Variants in CACNA2D3 observed in about 807,000 individuals in gnomAD.
The protein encoded by CACNA2D3 is calcium voltage-gated channel auxiliary subunit alpha2delta 3.
Under a neutral mutation model 160.6 loss-of-function variants are expected in CACNA2D3, and 60 were observed. That is an observed-to-expected ratio of 0.37 (90% CI 0.30 to 0.46). The LOEUF is 0.46. Ranked by LOEUF, CACNA2D3 falls within the 20% of genes least tolerant of loss-of-function variation. The probability of loss-of-function intolerance (pLI) is 1.00; values close to 1 mark genes in which losing one functional copy is unlikely to be tolerated. For synonymous variants in CACNA2D3, 558 were observed against 492.9 expected, an observed-to-expected ratio of 1.13 and a Z score of -1.75; for missense variants, 1,205 against 1,365.0, an observed-to-expected ratio of 0.88 and a Z score of 1.85.
intron 3 of CACNA2D3, 69 bp from the exon 4 acceptor site, chr3:54,386,645 TG>T: frequency 7.1e-7 from 1 of 1,399,528 alleles, no homozygotes. Context: ...TTTTGGTCAA[TG>T]GAGAAATGGG....
Position 54,918,547 on chromosome 3 carries a change from G to A in CACNA2D3, c.2449+18679G>A, listed in dbSNP as rs911270789. 9 of 1,613,902 alleles carry A rather than the reference G, an allele frequency of 5.6e-6. No individual in the cohort carries two copies. In the African/African-American group the frequency reaches 1.2e-4, roughly 22 times the overall value. ...CAAGGGTCCCCCATGGTACTGGGCT[G>A]TGATTGCCGCATAGGTGCAGCCATA... On this transcript the variant is annotated intron_variant, in intron 27 of 37. Transcript: ENST00000474759.
chr3:54,520,046 G>A (rs1701620871), intron 5 of CACNA2D3, among the ~76,000 whole-genome samples: 1 of 152,220 alleles, frequency 6.6e-6, no homozygotes, highest in Non-Finnish European at 1.5e-5. Context: ...GCAATATTGT[G>A]GAAACTAAAG....
chr3:55,054,684 T>A (rs1306176135), intron 35 of CACNA2D3, among the ~76,000 whole-genome samples: 1 of 151,832 alleles, frequency 6.6e-6, no homozygotes, highest in Admixed American at 6.6e-5. Flanking sequence ...AGATTGATTC[T>A]TCTGTTGACT....
intron 2 of CACNA2D3, among the ~76,000 whole-genome samples, chr3:54,191,806 G>A (rs553332128): frequency 6.6e-6 from 1 of 152,278 alleles, no homozygotes; most frequent in African/African-American, 2.4e-5. Context: ...CCTGCGCAGG[G>A]CTGCCGTGAA....
chr3:54,627,275 A>G (rs546469513), intron 9 of CACNA2D3, among the ~76,000 whole-genome samples: 17 of 152,298 alleles, frequency 1.1e-4, no homozygotes, highest in Middle Eastern at 3.4e-3. Flanking sequence ...TGGAGTCACA[A>G]AGGAAGCATT....
intron 11 of CACNA2D3, among the ~76,000 whole-genome samples, chr3:54,734,204 T>C (rs1376861382): frequency 6.6e-6 from 1 of 152,190 alleles, no homozygotes; most frequent in East Asian, 1.9e-4. Context: ...GACTTTGCCA[T>C]AGGCTGATAC....
At chr3:54,558,767 G>A (rs1186181819) in intron 5 of CACNA2D3, among the ~76,000 whole-genome samples, 2 of 152,160 alleles carry the variant, frequency 1.3e-5, no homozygotes, top group Non-Finnish European at 2.9e-5. Flanking sequence ...TTTTATGGCC[G>A]TGTATTATTC....
chr3:54,466,877 G>T (rs898857197), intron 4 of CACNA2D3, among the ~76,000 whole-genome samples: 2 of 152,160 alleles, frequency 1.3e-5, no homozygotes, highest in African/African-American at 4.8e-5. Context: ...TCATCATTTT[G>T]TGGTGTTATC....
At chr3:54,278,245 A>G (rs990860081) in intron 2 of CACNA2D3, among the ~76,000 whole-genome samples, 4 of 152,272 alleles carry the variant, frequency 2.6e-5, no homozygotes, top group Non-Finnish European at 5.9e-5. Flanking sequence ...AAAAAAGCTC[A>G]TCATCACTGG....
chr3:54,226,698 A>G (rs1009315424), intron 2 of CACNA2D3, among the ~76,000 whole-genome samples: 2 of 152,214 alleles, frequency 1.3e-5, no homozygotes, highest in East Asian at 1.9e-4. Flanking sequence ...TGCTAGTCCT[A>G]TAACACTGCC....
chr3:54,565,729 A>C (rs1702399634), intron 6 of CACNA2D3, among the ~76,000 whole-genome samples: 1 of 152,106 alleles, frequency 6.6e-6, no homozygotes, highest in Non-Finnish European at 1.5e-5. Flanking sequence ...GTAGGAAGAG[A>C]CTTCTGTAGT....
rs189182847 is a variant in CACNA2D3, at chr3:54,174,682, G to A, written c.204+51088G>A. Among the ~76,000 whole-genome samples, 983 of 152,228 alleles carry A rather than the reference G, an allele frequency of 6.5e-3. 11 individuals carry two copies. Among genetic ancestry groups the A allele is most frequent in the African/African-American group, 0.022 (906 of 41,530 alleles). ...TGGGACTACAGGCGCCCGCCACCAC[G>A]CCTGGCTAATTTTTAGTATTTTTTG... On this transcript the variant is annotated intron_variant, in intron 2 of 37. Transcript: ENST00000474759.
At chr3:54,805,003 T>C (rs150938426) in intron 13 of CACNA2D3, among the ~76,000 whole-genome samples, 2,147 of 152,108 alleles carry the variant, frequency 0.014, 59 homozygotes, top group African/African-American at 0.047. Context: ...TTGAAACCAA[T>C]GAGAACAAAG....
chr3:54,746,037 G>A (rs1701747780), intron 11 of CACNA2D3, among the ~76,000 whole-genome samples: 1 of 152,072 alleles, frequency 6.6e-6, no homozygotes, highest in Admixed American at 6.6e-5. Context: ...TCTTCCTTCT[G>A]GATAAGGATG....
At chr3:54,156,260 C>G (rs1364447087) in intron 2 of CACNA2D3, among the ~76,000 whole-genome samples, 1 of 152,154 alleles carries the variant, frequency 6.6e-6, no homozygotes, top group Non-Finnish European at 1.5e-5. Context: ...TGCTATCAAG[C>G]CAGTTATTGT....
chr3:54,515,197 T>TGAGAGAGA (rs1406976766), intron 5 of CACNA2D3, among the ~76,000 whole-genome samples: 7 of 137,674 alleles, frequency 5.1e-5, no homozygotes, highest in African/African-American at 2.1e-4. Flanking sequence ...TGTGTGTGTG[T>TGAGAGAGA]GTGAGAGAGA....
At chr3:54,194,383 G>C (rs1288921546) in intron 2 of CACNA2D3, among the ~76,000 whole-genome samples, 13 of 152,178 alleles carry the variant, frequency 8.5e-5, no homozygotes, top group Non-Finnish European at 1.5e-5. Context: ...GTTAAAAAAA[G>C]TCATAATTGA....
intron 2 of CACNA2D3, among the ~76,000 whole-genome samples, chr3:54,292,144 C>T (rs1043741940): frequency 6.6e-6 from 1 of 151,918 alleles, no homozygotes; most frequent in Non-Finnish European, 1.5e-5. Context: ...GGACCCCTAC[C>T]TCATACCATA....
chr3:54,259,743 A>T (rs141708519), intron 2 of CACNA2D3, among the ~76,000 whole-genome samples: 1 of 152,358 alleles, frequency 6.6e-6, no homozygotes, highest in Non-Finnish European at 1.5e-5. Context: ...TGAAGGAAAC[A>T]TACAAAATTA....
Sources: allele counts gnomAD v4.1 joint callset (sites outside exome capture counted in the v4.1 genomes callset), GRCh38; gene constraint gnomAD v4.1.1; transcripts MANE v1.5; gene names NCBI Gene and HGNC (gene_info 2026-07-23, HGNC 2026-07-21).